The following FGF1 variants were observed in gnomAD, a reference collection of about 807,000 sequenced individuals.
FGF1 encodes fibroblast growth factor 1, also known as beta-endothelial cell growth factor.
Under a neutral mutation model 13.4 loss-of-function variants are expected in FGF1, and 9 were observed. That is an observed-to-expected ratio of 0.67 (90% CI 0.40 to 1.17). The LOEUF (loss-of-function observed/expected upper bound fraction) is 1.17. FGF1 is among the 50% of genes most tolerant of loss of function. FGF1 has a pLI of 0.01. For synonymous variants in FGF1, 93 were observed against 79.0 expected, an observed-to-expected ratio of 1.18 and a Z score of -0.94; for missense variants, 156 against 192.7, an observed-to-expected ratio of 0.81 and a Z score of 1.13.
intron 1 of FGF1, among the ~76,000 whole-genome samples, chr5:142,643,308 C>T (rs1765490579): frequency 6.6e-6 from 1 of 152,146 alleles, no homozygotes; most frequent in African/African-American, 2.4e-5. Context: ...CACACACACA[C>T]ACACACACAT....
chr5:142,677,772 T>C (rs75590294), intron 1 of FGF1, among the ~76,000 whole-genome samples: 5,399 of 152,304 alleles, frequency 0.035, 121 homozygotes, highest in South Asian at 0.064. Flanking sequence ...TCCTATTCAC[T>C]GGGGATATAG....
chr5:142,696,958 A>G (rs1402780050), intron 2 of FGF1, among the ~76,000 whole-genome samples: 1 of 152,194 alleles, frequency 6.6e-6, no homozygotes, highest in African/African-American at 2.4e-5. Context: ...ATATAGGTAC[A>G]TGTTCTATGA....
intron 1 of FGF1, among the ~76,000 whole-genome samples, chr5:142,670,829 A>C (rs186382143): frequency 2.0e-5 from 3 of 152,250 alleles, no homozygotes; most frequent in African/African-American, 7.2e-5. Context: ...GTTATCTGTG[A>C]TCTCTAGGGC....
intron 1 of FGF1, among the ~76,000 whole-genome samples, chr5:142,630,982 A>T (rs544744628): frequency 1.3e-5 from 2 of 152,338 alleles, no homozygotes; most frequent in South Asian, 4.1e-4. Context: ...GACAGAAGCC[A>T]TGTTTATTCA....
chr5:142,693,999 CAT>C (rs1355354669), intron 2 of FGF1, among the ~76,000 whole-genome samples: 3 of 151,476 alleles, frequency 2.0e-5, no homozygotes, highest in African/African-American at 7.3e-5. Context: ...TTTGTGTGAA[CAT>C]GTGTTCATTT....
intron 2 of FGF1, among the ~76,000 whole-genome samples, chr5:142,611,772 G>C (rs1759112612): frequency 1.3e-5 from 2 of 152,200 alleles, no homozygotes; most frequent in Non-Finnish European, 2.9e-5. Context: ...TGTTGGCAGA[G>C]AGATGCTGAA....
intron 2 of FGF1, among the ~76,000 whole-genome samples, chr5:142,602,466 C>T (rs921630267): frequency 4.6e-5 from 7 of 152,100 alleles, no homozygotes; most frequent in African/African-American, 1.7e-4. Flanking sequence ...TGAGCCACTG[C>T]GCCTGGCCTG....
chr5:142,691,584 G>C (rs1373251928), intron 2 of FGF1, among the ~76,000 whole-genome samples: 1 of 152,042 alleles, frequency 6.6e-6, no homozygotes, highest in Non-Finnish European at 1.5e-5. Flanking sequence ...TATATACTCA[G>C]TACCGAGACC....
intron 1 of FGF1, among the ~76,000 whole-genome samples, chr5:142,629,889 ATATATATT>A (rs1473183959): frequency 3.0e-5 from 3 of 98,796 alleles, no homozygotes; most frequent in Non-Finnish European, 7.0e-5. Flanking sequence ...ATATATATAT[ATATATATT>A]TTTTTTTTTT....
At chr5:142,685,744 T>C (rs1751019146) in intron 1 of FGF1, 2 of 152,206 alleles carry the variant, frequency 1.3e-5, no homozygotes, top group South Asian at 2.1e-4. Context: ...GTCTGCACCA[T>C]GGTTTAAACC....
intron 2 of FGF1, chr5:142,601,250 C>A: frequency 2.5e-6 from 1 of 407,184 alleles, no homozygotes; most frequent in Non-Finnish European, 5.0e-6. Context: ...TCAACCTGCA[C>A]AGGGGTGCCT....
intron 1 of FGF1, among the ~76,000 whole-genome samples, chr5:142,647,959 C>T (rs1028076199): frequency 6.6e-6 from 1 of 152,088 alleles, no homozygotes; most frequent in Non-Finnish European, 1.5e-5. Flanking sequence ...GTGGTGCGCA[C>T]CTGTAATCCC....
intron 1 of FGF1, among the ~76,000 whole-genome samples, chr5:142,653,319 C>T (rs1052215334): frequency 2.0e-5 from 3 of 152,108 alleles, no homozygotes; most frequent in Non-Finnish European, 4.4e-5. Context: ...CCTCTAAGTG[C>T]CTTACAAAAA....
At chr5:142,693,728 C>T (rs544484188) in intron 2 of FGF1, among the ~76,000 whole-genome samples, 10 of 152,308 alleles carry the variant, frequency 6.6e-5, no homozygotes, top group African/African-American at 2.4e-4. Flanking sequence ...CACTCATCTA[C>T]TTTCTGTCTC....
At chr5:142,596,670 A>C (rs996980098) in intron 3 of FGF1, among the ~76,000 whole-genome samples, 1 of 151,834 alleles carries the variant, frequency 6.6e-6, no homozygotes, top group African/African-American at 2.4e-5. Context: ...GCTCGACCCC[A>C]GGAGTTTGAG....
At chr5:142,686,668 C>T (rs1441103847), upstream of FGF1, among the ~76,000 whole-genome samples, 4 of 151,812 alleles carry the variant, frequency 2.6e-5, no homozygotes, top group East Asian at 1.9e-4. Flanking sequence ...TGTGTGGCAA[C>T]GTGTATGTGT....
chr5:142,595,199 G>T lies in FGF1; in HGVS notation c.*91C>A, dbSNP rs924352891. On this transcript the variant is annotated 3_prime_UTR_variant, in exon 4 of 4. Transcript: ENST00000337706. ...CAGGCTCTGTGGGCTGGGGGTTAGC[G>T]CAGCCAATGGTCAAGGGAACATTTT... 1.9e-6 allele frequency: 2 copies of T among 1,052,314 alleles called. No individual in the cohort carries two copies. Among genetic ancestry groups the T allele is most frequent in the Non-Finnish European group, 2.8e-6 (2 of 713,466 alleles). The allele number at this position is 1,052,314 out of a possible 1,614,324, so 65.2% of individuals were successfully genotyped here.
chr5:142,683,032 C>A (rs144641024), intron 1 of FGF1, among the ~76,000 whole-genome samples: 27 of 152,302 alleles, frequency 1.8e-4, no homozygotes, highest in African/African-American at 6.3e-4. Flanking sequence ...GGACGCCTTG[C>A]TGGTACTTGA....
chr5:142,697,796 G>A (rs1190795700), intron 1 of FGF1: 1 of 151,804 alleles, frequency 6.6e-6, no homozygotes, highest in Non-Finnish European at 1.5e-5. Context: ...GATTCCCCTG[G>A]AGCGAAGGCT....
Sources: gnomAD v4.1 joint callset for allele counts (sites outside exome capture counted in the v4.1 genomes callset) on GRCh38, gnomAD v4.1.1 for gene constraint, MANE v1.5 for transcripts, NCBI Gene and HGNC (gene_info 2026-07-23, HGNC 2026-07-21) for gene names.